The following BAZ1B variants were observed in gnomAD, a reference collection of about 807,000 sequenced individuals.
BAZ1B encodes the protein tyrosine-protein kinase BAZ1B.
A neutral mutation model predicts 153.8 loss-of-function variants in BAZ1B; 22 were observed. That is an observed-to-expected ratio of 0.14 (90% confidence interval 0.10 to 0.20). The LOEUF is 0.20. Among genes scored for constraint, BAZ1B ranks in the 10% least tolerant of loss-of-function variants. The pLI is 1.00. For missense variants in BAZ1B, 1,325 were observed against 1,799.3 expected (o/e 0.74, Z 4.77); for synonymous variants, 676 against 633.4 (o/e 1.07, Z -1.01).
At chr7:73,481,377 T>C (rs1789191623) in intron 6 of BAZ1B, among the ~76,000 whole-genome samples, 2 of 151,480 alleles carry the variant, frequency 1.3e-5, no homozygotes, top group South Asian at 2.1e-4. Flanking sequence ...TTTAGCCAGG[T>C]GCGGTGGCGG....
intron 3 of BAZ1B, among the ~76,000 whole-genome samples, chr7:73,499,440 A>T (rs1232265985): frequency 6.6e-6 from 1 of 152,166 alleles, no homozygotes; most frequent in Non-Finnish European, 1.5e-5. Flanking sequence ...ATCAAAAATC[A>T]ACTGTGTAGG....
chr7:73,455,700 C>G (rs1423154288), intron 13 of BAZ1B, among the ~76,000 whole-genome samples: 1 of 152,078 alleles, frequency 6.6e-6, no homozygotes, highest in East Asian at 1.9e-4. Flanking sequence ...GGAGGATTGC[C>G]TGAGCCCAGG....
At chr7:73,468,167 A>C (rs1201837614) in intron 9 of BAZ1B, among the ~76,000 whole-genome samples, 1 of 152,182 alleles carries the variant, frequency 6.6e-6, no homozygotes, top group Non-Finnish European at 1.5e-5. Flanking sequence ...CTCCCACATG[A>C]CACCAACACA....
At chr7:73,520,242 C>T (rs952639979) in intron 1 of BAZ1B, among the ~76,000 whole-genome samples, 1 of 150,460 alleles carries the variant, frequency 6.6e-6, no homozygotes, top group Non-Finnish European at 1.5e-5. Context: ...TGGGGTACTT[C>T]GGTATAATGC....
chr7:73,501,257 A>T (rs1563396683), intron 3 of BAZ1B, among the ~76,000 whole-genome samples: 1 of 152,138 alleles, frequency 6.6e-6, no homozygotes, highest in Non-Finnish European at 1.5e-5. Context: ...ACTCCGCCTC[A>T]AAACAAAACA....
chr7:73,502,357 CT>C (rs146842229), intron 3 of BAZ1B, among the ~76,000 whole-genome samples: 14,301 of 149,360 alleles, frequency 0.096, 793 homozygotes, highest in Middle Eastern at 0.13. Flanking sequence ...ATCATATCTA[CT>C]TTTTTTTTTA....
intron 1 of BAZ1B, among the ~76,000 whole-genome samples, chr7:73,521,033 G>A (rs782339859): frequency 2.0e-5 from 3 of 151,988 alleles, no homozygotes; most frequent in African/African-American, 4.8e-5. Flanking sequence ...ATGACGAGAG[G>A]ATGCTTCCTT....
At chr7:73,442,668 G>C in intron 18 of BAZ1B, 57 bp downstream of exon 18, 1 of 1,570,310 alleles carries the variant, frequency 6.4e-7, no homozygotes, top group Non-Finnish European at 8.6e-7. Flanking sequence ...GGCTCTGGAA[G>C]CTTTTAGAAC....
intron 15 of BAZ1B, 146 bp from the exon 16 acceptor site, chr7:73,447,525 T>C (rs1193362629): frequency 3.8e-6 from 4 of 1,060,604 alleles, no homozygotes; most frequent in African/African-American, 1.6e-5. Flanking sequence ...AACCTGAATG[T>C]AAGCCAGGAG....
chr7:73,470,573 G>A (rs1376258609), intron 7 of BAZ1B, 90 bp from the exon 8 acceptor site: 3 of 1,407,862 alleles, frequency 2.1e-6, no homozygotes, highest in Middle Eastern at 1.8e-4. Flanking sequence ...AAAGTGCCTA[G>A]TATACAGTAG....
At chr7:73,470,515 T>C (rs1788760870) in intron 7 of BAZ1B, 32 bp from the exon 8 acceptor site, 2 of 1,607,172 alleles carry the variant, frequency 1.2e-6, no homozygotes, top group Non-Finnish European at 1.7e-6. Context: ...AAATCAGATA[T>C]TTTCCTAGTA....
intron 9 of BAZ1B, among the ~76,000 whole-genome samples, chr7:73,468,456 C>T (rs1168595645): frequency 6.6e-6 from 1 of 151,968 alleles, no homozygotes; most frequent in East Asian, 1.9e-4. Context: ...ATGTCAGTAA[C>T]ACTGAGGTTG....
chr7:73,445,887 CCAAA>C (rs1294751500), intron 16 of BAZ1B, among the ~76,000 whole-genome samples: 6 of 152,086 alleles, frequency 3.9e-5, no homozygotes, highest in Non-Finnish European at 5.9e-5. Flanking sequence ...AAATATGTTC[CCAAA>C]CAAAGGTGTG....
intron 13 of BAZ1B, among the ~76,000 whole-genome samples, chr7:73,458,078 C>T (rs568562139): frequency 2.0e-5 from 3 of 152,244 alleles, no homozygotes; most frequent in Non-Finnish European, 2.9e-5. Flanking sequence ...CATGAGAATC[C>T]TCAATGTATA....
intron 3 of BAZ1B, among the ~76,000 whole-genome samples, chr7:73,501,371 T>C (rs1790127160): frequency 6.6e-6 from 1 of 152,158 alleles, no homozygotes. Flanking sequence ...ATTCCCACCA[T>C]CCTCCCTCCT....
Position 73,510,849 on chromosome 7 carries a change from C to A in BAZ1B, c.111G>T (p.Glu37Asp), listed in dbSNP as rs201256871. The A allele has an allele frequency of 1.2e-6, 2 of 1,613,928 alleles. No homozygotes were observed. Among genetic ancestry groups the A allele is most frequent in the Middle Eastern group, 1.6e-4 (1 of 6,062 alleles). The change falls in exon 2 of 20, where the codon GAG becomes GAT. Residue 37 changes from glutamate (E) to aspartate (D), a missense_variant. Coordinates refer to ENST00000339594, the MANE Select transcript of BAZ1B (RefSeq NM_032408.4). ...HTQEAFRTRE[E>D]YEARLERYSE... ...TGTACCTTTCCAAGCGGGCTTCATA[C>A]TCTCTGTTGGCAGTAGTTCAGGAAA...
chr7:73,495,610 A>G (rs782450332), intron 4 of BAZ1B, among the ~76,000 whole-genome samples: 25 of 152,230 alleles, frequency 1.6e-4, no homozygotes, highest in Non-Finnish European at 2.8e-4. Context: ...CACTATTCAC[A>G]ATAGCAAAGA....
intron 1 of BAZ1B, among the ~76,000 whole-genome samples, chr7:73,514,017 T>C (rs1432733912): frequency 6.6e-6 from 1 of 152,180 alleles, no homozygotes; most frequent in East Asian, 1.9e-4. Context: ...GTATTTTGGA[T>C]TTTGAATTTC....
rs782400259 is a variant in BAZ1B, at chr7:73,477,711, C to T, written c.1750G>A (p.Glu584Lys). 2 of 1,614,226 alleles carry T rather than the reference C, an allele frequency of 1.2e-6. No individual in the cohort carries two copies. The highest frequency in any genetic ancestry group is 1.7e-6 in the Non-Finnish European group (2 of 1,180,050). Residue 584 changes from glutamate to lysine, a missense_variant, in exon 7 of 20, where the codon GAG becomes AAG. Transcript: ENST00000339594. This position sits in a 1 kb window ranked among gnomAD's most constrained non-coding sequence, Gnocchi z 5.6. ...LEKQKRYEDQ[E>K]LTGKNLPAFR... ...GCTGGAAGGTTTTTGCCAGTTAACT[C>T]TTGGTCCTCATACCGCTTCTGTTTT...
Sources: allele counts gnomAD v4.1 joint callset (sites outside exome capture counted in the v4.1 genomes callset), GRCh38; gene constraint gnomAD v4.1.1; non-coding constraint Gnocchi (gnomAD v3.1); transcripts MANE v1.5; gene names NCBI Gene and HGNC (gene_info 2026-07-23, HGNC 2026-07-21).